ZNF366: variants seen among roughly 807,000 people sequenced by gnomAD.
The protein encoded by ZNF366 is zinc finger protein 366.
In ZNF366, 20 loss-of-function variants were observed where a neutral mutation model predicts 47.2. That is an observed-to-expected ratio of 0.42 (90% CI 0.30 to 0.62). ZNF366 has a LOEUF of 0.62. Among genes scored for constraint, ZNF366 ranks in the 20% least tolerant of loss-of-function variants. The pLI is 0.16. For synonymous variants in ZNF366, 421 were observed against 395.1 expected (o/e 1.07, Z -0.78); for missense variants, 987 against 976.3 (o/e 1.01, Z -0.15).
rs776394335 is a variant in ZNF366, at chr5:72,485,022, G to A, written c.-15+22229C>T. On this transcript the variant is annotated intron_variant, in intron 1 of 4. Transcript: ENST00000318442. ...TAATTCAGTACTCATCATTAGCCAC[G>A]TGTGGCTTTTGAGCACATCAAATTC... Among the ~76,000 whole-genome samples the A allele has an allele frequency of 3.4e-4, 51 of 152,172 alleles. 1 individual carries two copies. Among genetic ancestry groups the A allele is most frequent in the Admixed American group, 3.2e-3 (49 of 15,280 alleles).
At chr5:72,453,067 C>T (rs1743107187) in intron 3 of ZNF366, among the ~76,000 whole-genome samples, 1 of 152,216 alleles carries the variant, frequency 6.6e-6, no homozygotes, top group Admixed American at 6.5e-5. Flanking sequence ...TTCCTCTCCT[C>T]TAATTTTCCA....
chr5:72,473,335 GA>G (rs1304021409), intron 1 of ZNF366, among the ~76,000 whole-genome samples: 2 of 152,154 alleles, frequency 1.3e-5, no homozygotes, highest in Admixed American at 6.5e-5. Context: ...TGTTATTTGA[GA>G]AAATGAATCC....
chr5:72,456,455 G>A lies in ZNF366; in HGVS notation c.1473C>T (p.Thr491=). ...LCYKSFVQKQ[T]LKAHMIVHSD... Reference sequence around the variant, plus strand: ...AGTGGACGATCATGTGTGCCTTGAGGGTCTGCTTCTGCACGAAGCTCTTGT... The same window carrying A: ...AGTGGACGATCATGTGTGCCTTGAGAGTCTGCTTCTGCACGAAGCTCTTGT... The change falls in exon 3 of 5, where the codon ACC becomes ACT. Residue 491 remains threonine, a synonymous_variant. Coordinates refer to ENST00000318442, the MANE Select transcript of ZNF366 (RefSeq NM_152625.3). 3 of 1,613,662 alleles carry A rather than the reference G, an allele frequency of 1.9e-6. No homozygotes were observed. The highest frequency in any genetic ancestry group is 1.1e-5 in the South Asian group (1 of 91,014).
chr5:72,500,004 G>A (rs960406230), intron 1 of ZNF366, among the ~76,000 whole-genome samples: 10 of 152,248 alleles, frequency 6.6e-5, no homozygotes, highest in African/African-American at 2.4e-4. Context: ...TTCCAAGAGA[G>A]AACGGTGAGT....
chr5:72,507,157 C>T, intron 1 of ZNF366, 94 bp downstream of exon 1: 1 of 930,162 alleles, frequency 1.1e-6, no homozygotes. Flanking sequence ...TTAAGGACTA[C>T]TCCCAGTAAG....
chr5:72,485,677 G>C (rs1743877031), intron 1 of ZNF366, among the ~76,000 whole-genome samples: 1 of 152,188 alleles, frequency 6.6e-6, no homozygotes. Context: ...ATCAGATCTT[G>C]TTATTCCCCT....
chr5:72,457,921 A>G (rs1400621647), intron 2 of ZNF366, among the ~76,000 whole-genome samples: 1 of 152,146 alleles, frequency 6.6e-6, no homozygotes, highest in Admixed American at 6.5e-5. Flanking sequence ...AATCTTTAAA[A>G]TGTAGTGCAT....
Position 72,443,663 on chromosome 5 carries a change from T to C in ZNF366, c.*93A>G, listed in dbSNP as rs1207327563. ...AAGCCATTTGTAGAGATTGGTACTA[T>C]TCGCCAGTCTCCAGAAAATGACAGT... On this transcript the variant is annotated 3_prime_UTR_variant, in exon 5 of 5. Transcript: ENST00000318442. 1 of 1,332,218 alleles carries C rather than the reference T, an allele frequency of 7.5e-7. No homozygotes were observed. Among genetic ancestry groups the C allele is most frequent in the Admixed American group, 2.2e-5 (1 of 44,542 alleles). The allele number at this position is 1,332,218 out of a possible 1,614,324, so 82.5% of individuals were successfully genotyped here. A position where few individuals can be genotyped will look rare whatever the true frequency, so the allele number is the denominator to read the frequency against.
intron 1 of ZNF366, among the ~76,000 whole-genome samples, chr5:72,476,920 G>T (rs1173930076): frequency 6.6e-6 from 1 of 152,028 alleles, no homozygotes; most frequent in South Asian, 2.1e-4. Context: ...ACTTCTGAAA[G>T]GTCGGGCTGT....
intron 1 of ZNF366, chr5:72,472,470 G>A: frequency 1.2e-6 from 1 of 821,696 alleles, no homozygotes; most frequent in Non-Finnish European, 1.5e-6. Context: ...CCCAACCAGT[G>A]CCACAGCCTT....
chr5:72,502,968 A>G (rs1445498654), intron 1 of ZNF366, among the ~76,000 whole-genome samples: 1 of 152,140 alleles, frequency 6.6e-6, no homozygotes, highest in Non-Finnish European at 1.5e-5. Context: ...TACTAAAAAT[A>G]CAAAAAATTA....
In ZNF366 at chr5:72,443,862, C is replaced by T. The variant is rs372282294; in HGVS notation, c.2129G>A (p.Arg710Gln). The change falls in exon 5 of 5, where the codon CGG (arginine) becomes CAG (glutamine). Residue 710 changes from arginine to glutamine, a missense_variant. By Grantham distance (43) the Arg-to-Gln change is conservative. This residue lies in a region of ZNF366 where 285 missense variants were observed against 234.8 expected (regional missense o/e 1.21). Transcript: ENST00000318442. ...LSLRAFQSTR[R>Q]GPSFSDYLYF... ...TAAGTAATCAGAAAAAGAGGGGCCC[C>T]GCCGGGTACTCTGAAAAGCCCTGAG... 15 of 1,614,068 alleles carry T rather than the reference C, an allele frequency of 9.3e-6. No individual in the cohort carries two copies. The highest frequency in any genetic ancestry group is 1.6e-4 in the Middle Eastern group (1 of 6,084).
At chr5:72,506,368 C>G (rs1472130052) in intron 1 of ZNF366, among the ~76,000 whole-genome samples, 1 of 152,176 alleles carries the variant, frequency 6.6e-6, no homozygotes, top group Admixed American at 6.5e-5. Flanking sequence ...TCCTTTATGA[C>G]TAATCTAATT....
intron 4 of ZNF366, among the ~76,000 whole-genome samples, chr5:72,445,945 C>T (rs1024130260): frequency 6.6e-6 from 1 of 152,224 alleles, no homozygotes. Flanking sequence ...CCAGGAGTCA[C>T]TAGAAACTCA....
At chr5:72,462,507 T>TTTCTTTCTTTCTTTCTTTCTTTCTTTC (rs1743336113) in intron 1 of ZNF366, among the ~76,000 whole-genome samples, 1 of 82,462 alleles carries the variant, frequency 1.2e-5, no homozygotes, top group Non-Finnish European at 2.2e-5. Context: ...TCCTTGCCAG[T>TTTCTTTCTTTCTTTCTTTCTTTCTTTC]TTTCTTTCTT....
In ZNF366 at chr5:72,441,763, C is replaced by A. The variant is rs1488868141; in HGVS notation, c.*1993G>T. The A allele has an allele frequency of 2.0e-5, 3 of 152,208 alleles. No individual in the cohort carries two copies. The highest frequency in any genetic ancestry group is 6.5e-5 in the Admixed American group (1 of 15,286). The allele number at this position is 152,208 out of a possible 1,614,324, so 9.4% of individuals were successfully genotyped here. A position where few individuals can be genotyped will look rare whatever the true frequency, so the allele number is the denominator to read the frequency against. ...CTTCTAAAGGAATGTACTGGGAAAT[C>A]TGGGATAGGATGAAGCACAATAATA... On this transcript the variant is annotated 3_prime_UTR_variant, in exon 5 of 5. Transcript: ENST00000318442.
At chr5:72,501,735 A>G (rs1423369091) in intron 1 of ZNF366, among the ~76,000 whole-genome samples, 1 of 152,230 alleles carries the variant, frequency 6.6e-6, no homozygotes, top group Non-Finnish European at 1.5e-5. Flanking sequence ...TCTTTTAGTC[A>G]AGGAAAAACA....
At chr5:72,446,260 C>T (rs1034157773) in intron 4 of ZNF366, among the ~76,000 whole-genome samples, 5 of 152,244 alleles carry the variant, frequency 3.3e-5, no homozygotes, top group Admixed American at 1.3e-4. Context: ...GTCTCTTTCA[C>T]GGCATTGTAG....
chr5:72,494,745 G>A (rs1744078681), intron 1 of ZNF366, among the ~76,000 whole-genome samples: 1 of 152,018 alleles, frequency 6.6e-6, no homozygotes, highest in African/African-American at 2.4e-5. Flanking sequence ...GGAAACAGGG[G>A]CGTGCACATA....
Sources: allele counts gnomAD v4.1 joint callset (sites outside exome capture counted in the v4.1 genomes callset), GRCh38; gene constraint gnomAD v4.1.1; regional missense constraint gnomAD v4.1.1; transcripts MANE v1.5; gene names NCBI Gene and HGNC (gene_info 2026-07-23, HGNC 2026-07-21).